Variants in SLC25A48 observed in about 807,000 individuals in gnomAD.
The protein encoded by SLC25A48 is CTC-321K16.1.
Under a neutral mutation model 32.2 loss-of-function variants are expected in SLC25A48, and 29 were observed. The ratio of observed to expected loss-of-function variants is 0.90; its 90% CI spans 0.67 to 1.23. The LOEUF is 1.23. Among genes scored for constraint, SLC25A48 ranks in the 50% most tolerant of loss-of-function variants. SLC25A48 has a pLI of 0.00. For missense variants in SLC25A48, 399 were observed against 422.7 expected, an observed-to-expected ratio of 0.94 and a Z score of 0.49; for synonymous variants, 164 against 172.3, an observed-to-expected ratio of 0.95 and a Z score of 0.38.
chr5:135,585,474 C>G (rs1242975689), intron 1 of SLC25A48, among the ~76,000 whole-genome samples: 1 of 152,160 alleles, frequency 6.6e-6, no homozygotes, highest in Non-Finnish European at 1.5e-5. Context: ...GTCTCCAGTG[C>G]CACTCCTCAC....
rs575547640 is a variant in SLC25A48 at position 135,735,702 on chromosome 5, T to C, written c.-520-76821T>C. 3.7e-4 allele frequency among the ~76,000 whole-genome samples: 56 copies of C among 152,192 alleles called. 2 individuals are homozygous for C. The South Asian group carries it at 0.011, about 30-fold the overall frequency. ...GGAGCCAGCGGTTGTCAGTGTGAGA[T>C]TGGGCCAGAGAAAAAATTTCCTGTG... On this transcript the variant is annotated intron_variant, in intron 3 of 10. Coordinates refer to the SLC25A48 transcript ENST00000646290.
At chr5:135,865,493 T>G (rs747836795) in intron 4 of SLC25A48, among the ~76,000 whole-genome samples, 2 of 152,208 alleles carry the variant, frequency 1.3e-5, no homozygotes, top group Non-Finnish European at 2.9e-5. Flanking sequence ...TGGAATTTCC[T>G]TTAATATCTA....
At chr5:135,595,354 T>C (rs1159824711) in intron 1 of SLC25A48, among the ~76,000 whole-genome samples, 2 of 152,156 alleles carry the variant, frequency 1.3e-5, no homozygotes, top group Non-Finnish European at 2.9e-5. Context: ...TCATGGGCTC[T>C]AGGAGGTCAG....
At chr5:135,728,512 T>A (rs10455055) in intron 3 of SLC25A48, among the ~76,000 whole-genome samples, 1 of 152,022 alleles carries the variant, frequency 6.6e-6, no homozygotes, top group African/African-American at 2.4e-5. Flanking sequence ...ATCATTTATA[T>A]GGCTAATCCC....
At chr5:135,815,272 T>C (rs530123289) in intron 4 of SLC25A48, among the ~76,000 whole-genome samples, 1 of 151,972 alleles carries the variant, frequency 6.6e-6, no homozygotes, top group Non-Finnish European at 1.5e-5. Context: ...TTAGTTAGAG[T>C]CTCATAAGGA....
At chr5:135,746,236 G>A (rs780669947) in intron 3 of SLC25A48, 1 of 166,010 alleles carries the variant, frequency 6.0e-6, no homozygotes, top group Non-Finnish European at 1.3e-5. Context: ...TTCCTGTTGA[G>A]GCCTTGCCTT....
intron 4 of SLC25A48, among the ~76,000 whole-genome samples, chr5:135,857,333 GA>G (rs1381586494): frequency 6.6e-6 from 1 of 152,210 alleles, no homozygotes; most frequent in Admixed American, 6.5e-5. Context: ...GGGAGTGGCT[GA>G]ATCCAAGCAT....
chr5:135,671,115 G>C (rs1580772280), intron 3 of SLC25A48, among the ~76,000 whole-genome samples: 1 of 152,342 alleles, frequency 6.6e-6, no homozygotes, highest in African/African-American at 2.4e-5. Flanking sequence ...CTAGCCAGCT[G>C]TGTGGGGAAA....
In SLC25A48 at chr5:135,852,715, C is replaced by T. The variant is rs1386287331; in HGVS notation, c.315C>T (p.Asp105=). ...CCAGTCCTCCCCGCACGCTGTCAGA[C>T]CTGCTCCTGGCCAGCATGGTGGCCG... The part of the protein sequence containing the change: ...PEASPPRTLS[D]LLLASMVAGV... The change falls in exon 4 of 8, where the codon GAC becomes GAT. Residue 105 remains aspartate, a synonymous_variant. Transcript: ENST00000681962. 3 of 1,614,158 alleles carry T rather than the reference C, an allele frequency of 1.9e-6. No individual in the cohort carries two copies. Among genetic ancestry groups the T allele is most frequent in the Admixed American group, 1.7e-5 (1 of 60,028 alleles).
At chr5:135,663,924 G>T (rs762400370) in intron 3 of SLC25A48, among the ~76,000 whole-genome samples, 1 of 152,176 alleles carries the variant, frequency 6.6e-6, no homozygotes, top group Non-Finnish European at 1.5e-5. Context: ...TGAGCCACCT[G>T]CCAGGCACTG....
At chr5:135,887,145 T>C (rs1762763966) in intron 7 of SLC25A48, among the ~76,000 whole-genome samples, 1 of 152,162 alleles carries the variant, frequency 6.6e-6, no homozygotes, top group African/African-American at 2.4e-5. Flanking sequence ...ACCCATGACA[T>C]TTTAACATAA....
Position 135,766,018 on chromosome 5 carries a change from C to T in SLC25A48, c.-520-46505C>T, listed in dbSNP as rs1340245842. Among the ~76,000 whole-genome samples, 5 of 150,790 alleles carry T rather than the reference C, an allele frequency of 3.3e-5. No individual in the cohort carries two copies. In the East Asian group the frequency reaches 1.0e-3, roughly 30 times the overall value. On this transcript the variant is annotated intron_variant, in intron 3 of 10. Coordinates refer to the SLC25A48 transcript ENST00000646290. ...AGGCGGGAGAGGGTGATATTACTCTCCATATCACAGGGGGTGTGCACCTCC... is the reference window on the plus strand; with the variant it reads ...AGGCGGGAGAGGGTGATATTACTCTTCATATCACAGGGGGTGTGCACCTCC...
intron 3 of SLC25A48, among the ~76,000 whole-genome samples, chr5:135,661,480 A>T (rs1753395787): frequency 6.6e-6 from 1 of 152,218 alleles, no homozygotes; most frequent in Non-Finnish European, 1.5e-5. Flanking sequence ...TAAGGTGAGC[A>T]AACTGGGATT....
chr5:135,720,657 C>T (rs1299795362), intron 3 of SLC25A48, among the ~76,000 whole-genome samples: 2 of 152,144 alleles, frequency 1.3e-5, no homozygotes, highest in South Asian at 2.1e-4. Flanking sequence ...CCTGCAAAAT[C>T]GTGGTGGATC....
chr5:135,584,440 G>A (rs1751315678), intron 1 of SLC25A48, among the ~76,000 whole-genome samples: 1 of 152,194 alleles, frequency 6.6e-6, no homozygotes, highest in Non-Finnish European at 1.5e-5. Flanking sequence ...CAGGATCACG[G>A]CATTTTGGTT....
upstream of SLC25A48, among the ~76,000 whole-genome samples, chr5:135,834,364 A>T (rs1000107383): frequency 3.3e-5 from 5 of 152,148 alleles, no homozygotes; most frequent in African/African-American, 1.2e-4. Context: ...CACTGCCCAG[A>T]GTTGGGATGG....
intron 3 of SLC25A48, among the ~76,000 whole-genome samples, chr5:135,793,492 G>T (rs183788499): frequency 5.9e-5 from 9 of 151,422 alleles, no homozygotes; most frequent in Non-Finnish European, 7.4e-5. Flanking sequence ...TCCTAATATC[G>T]CAGTAGGTGT....
chr5:135,839,717 C>A (rs1758832900), intron 1 of SLC25A48, among the ~76,000 whole-genome samples: 1 of 152,112 alleles, frequency 6.6e-6, no homozygotes. Flanking sequence ...TTATAGCTCC[C>A]ATAATATGTC....
chr5:135,624,024 C>T (rs1264323203), intron 1 of SLC25A48, among the ~76,000 whole-genome samples: 4 of 152,158 alleles, frequency 2.6e-5, no homozygotes, highest in Admixed American at 2.6e-4. Context: ...GTAGGAGAGG[C>T]TCTGGGGATG....
Sources: allele counts gnomAD v4.1 joint callset (sites outside exome capture counted in the v4.1 genomes callset), GRCh38; gene constraint gnomAD v4.1.1; transcripts MANE v1.5; gene names NCBI Gene and HGNC (gene_info 2026-07-23, HGNC 2026-07-21).